The following SGCZ variants were observed in gnomAD, a reference collection of about 807,000 sequenced individuals.
SGCZ encodes the protein zeta-sarcoglycan.
A neutral mutation model predicts 41.3 loss-of-function variants in SGCZ; 40 were observed. The ratio of observed to expected loss-of-function variants is 0.97; its 90% CI spans 0.75 to 1.26. The LOEUF (loss-of-function observed/expected upper bound fraction) is 1.26. Among genes scored for constraint, SGCZ ranks in the 50% most tolerant of loss-of-function variants. SGCZ has a pLI of 0.00. For missense variants in SGCZ, 552 were observed against 369.8 expected (o/e 1.49, Z -4.04); for synonymous variants, 206 against 137.5 (o/e 1.50, Z -3.49).
In SGCZ at chr8:14,719,099, C is replaced by T. The variant is rs536761287; in HGVS notation, c.40-164173G>A. ...ACTCCCACCTATGAGTGAGAATATG[C>T]GGTGTTTGGTTTTTTGTTCTTGCTA... On this transcript the variant is annotated intron_variant, in intron 1 of 7. Transcript: ENST00000382080. 1.2e-3 allele frequency among the ~76,000 whole-genome samples: 175 copies of T among 147,132 alleles called. 2 individuals are homozygous for T. Among genetic ancestry groups the T allele is most frequent in the African/African-American group, 3.7e-3 (147 of 39,816 alleles).
chr8:15,186,445 A>T (rs191048164), intron 1 of SGCZ, among the ~76,000 whole-genome samples: 59 of 152,248 alleles, frequency 3.9e-4, no homozygotes, highest in Non-Finnish European at 7.1e-4. Flanking sequence ...TAAAAACTGT[A>T]ATCAGTATTT....
intron 1 of SGCZ, among the ~76,000 whole-genome samples, chr8:14,768,758 G>C (rs1368299244): frequency 6.6e-6 from 1 of 151,886 alleles, no homozygotes; most frequent in Non-Finnish European, 1.5e-5. Context: ...AAGGGAAGAG[G>C]ACTGCACTCA....
chr8:14,772,990 G>A lies in SGCZ; in HGVS notation c.40-218064C>T, dbSNP rs375221923. On this transcript the variant is annotated intron_variant, in intron 1 of 7. Transcript: ENST00000382080. ...ATGGCATCTCTAGTTCTAGATCCCT[G>A]AGAAATTGCCACACTGACTTCCACA... 5.7e-4 allele frequency among the ~76,000 whole-genome samples: 86 copies of A among 152,168 alleles called. 3 individuals are homozygous for A. Among genetic ancestry groups the A allele is most frequent in the African/African-American group, 1.9e-3 (80 of 41,514 alleles).
chr8:14,431,670 CATAAAG>C (rs1286728866), intron 2 of SGCZ, among the ~76,000 whole-genome samples: 3 of 152,012 alleles, frequency 2.0e-5, no homozygotes, highest in Non-Finnish European at 2.9e-5. Flanking sequence ...ATGCAATAAA[CATAAAG>C]ATAAATAGCT....
intron 1 of SGCZ, among the ~76,000 whole-genome samples, chr8:14,960,416 G>T (rs1800927049): frequency 6.6e-6 from 1 of 152,108 alleles, no homozygotes; most frequent in South Asian, 2.1e-4. Flanking sequence ...GTAAGAACTA[G>T]CATCTGTGAT....
intron 3 of SGCZ, among the ~76,000 whole-genome samples, chr8:14,286,677 T>A (rs951735242): frequency 2.0e-5 from 3 of 152,194 alleles, no homozygotes; most frequent in Admixed American, 6.5e-5. Flanking sequence ...ATTTACCTAA[T>A]TGTATGTTAT....
chr8:14,809,825 G>C (rs2130533273), intron 1 of SGCZ, among the ~76,000 whole-genome samples: 1 of 152,134 alleles, frequency 6.6e-6, no homozygotes, highest in Non-Finnish European at 1.5e-5. Context: ...TACTGCAAAA[G>C]TACTATTAAT....
At chr8:15,077,347 G>T (rs144290084) in intron 1 of SGCZ, among the ~76,000 whole-genome samples, 90 of 152,286 alleles carry the variant, frequency 5.9e-4, no homozygotes, top group African/African-American at 1.9e-3. Context: ...TGTATTTACA[G>T]CTGTTATTGC....
At chr8:14,408,339 A>G (rs1463107325) in intron 2 of SGCZ, among the ~76,000 whole-genome samples, 1 of 152,110 alleles carries the variant, frequency 6.6e-6, no homozygotes, top group Non-Finnish European at 1.5e-5. Context: ...ATCTCCAGAT[A>G]TGTCCCAACG....
intron 1 of SGCZ, among the ~76,000 whole-genome samples, chr8:14,904,966 T>C (rs895425931): frequency 2.6e-5 from 4 of 151,996 alleles, no homozygotes; most frequent in African/African-American, 7.2e-5. Flanking sequence ...TGTATCTTTG[T>C]TATTATGAAA....
chr8:14,280,422 C>T (rs934456419), intron 3 of SGCZ, among the ~76,000 whole-genome samples: 6 of 151,760 alleles, frequency 4.0e-5, no homozygotes. Context: ...CTCCTAAATT[C>T]TACCTTTTAA....
At chr8:14,886,581 C>T (rs765721600) in intron 1 of SGCZ, among the ~76,000 whole-genome samples, 37 of 151,884 alleles carry the variant, frequency 2.4e-4, no homozygotes, top group Non-Finnish European at 4.1e-4. Context: ...AGGGGCAAGT[C>T]CTGGGGAAAA....
intron 1 of SGCZ, among the ~76,000 whole-genome samples, chr8:14,786,409 T>C (rs983104089): frequency 2.6e-5 from 4 of 152,094 alleles, no homozygotes; most frequent in East Asian, 1.9e-4. Flanking sequence ...ATTTATGAAA[T>C]GAAAGGATTA....
chr8:15,008,400 T>G (rs1461187608), intron 1 of SGCZ, among the ~76,000 whole-genome samples: 2 of 151,550 alleles, frequency 1.3e-5, no homozygotes, highest in Admixed American at 6.6e-5. Flanking sequence ...AGAAGGACAG[T>G]AGATATAACC....
At chr8:14,459,619 A>G (rs1296968689) in intron 2 of SGCZ, among the ~76,000 whole-genome samples, 1 of 152,100 alleles carries the variant, frequency 6.6e-6, no homozygotes, top group Non-Finnish European at 1.5e-5. Flanking sequence ...TTAATTATAC[A>G]AGGACAAAAA....
intron 1 of SGCZ, among the ~76,000 whole-genome samples, chr8:14,939,579 G>T (rs747919593): frequency 2.6e-5 from 4 of 152,054 alleles, no homozygotes; most frequent in Admixed American, 2.0e-4. Context: ...CTTCATCAAA[G>T]AAATGATATT....
chr8:14,095,060 T>C (rs1012457819), intron 7 of SGCZ, among the ~76,000 whole-genome samples: 12 of 152,204 alleles, frequency 7.9e-5, no homozygotes, highest in Non-Finnish European at 4.4e-5. Context: ...AGAAATTTTC[T>C]CTCATTCTGC....
chr8:14,203,222 T>C (rs936340678), intron 4 of SGCZ, among the ~76,000 whole-genome samples: 1 of 152,198 alleles, frequency 6.6e-6, no homozygotes, highest in Non-Finnish European at 1.5e-5. Flanking sequence ...TTAGGTGTGT[T>C]TGAATTTTAA....
At chr8:14,622,662 G>T (rs1806324830) in intron 1 of SGCZ, among the ~76,000 whole-genome samples, 1 of 152,116 alleles carries the variant, frequency 6.6e-6, no homozygotes, top group African/African-American at 2.4e-5. Context: ...TTAGGTTACT[G>T]CTCAAAGCTA....
Sources: gnomAD v4.1 joint callset for allele counts (sites outside exome capture counted in the v4.1 genomes callset) on GRCh38, gnomAD v4.1.1 for gene constraint, MANE v1.5 for transcripts, NCBI Gene and HGNC (gene_info 2026-07-23, HGNC 2026-07-21) for gene names.